The following DNAH3 variants were observed in gnomAD, a reference collection of about 807,000 sequenced individuals.
DNAH3 encodes dynein axonemal heavy chain 3, also known as axonemal beta dynein heavy chain 3.
In DNAH3, 332 loss-of-function variants were observed where a neutral mutation model predicts 432.5. That is an observed-to-expected ratio of 0.77 (90% confidence interval 0.70 to 0.84). The LOEUF (loss-of-function observed/expected upper bound fraction) is 0.84. DNAH3 is among the 40% of genes least tolerant of loss of function. The probability of loss-of-function intolerance (pLI) is 0.00; values close to 1 mark genes in which losing one functional copy is unlikely to be tolerated. For synonymous variants in DNAH3, 1,956 were observed against 1,900.2 expected, an observed-to-expected ratio of 1.03 and a Z score of -0.76; for missense variants, 4,861 against 5,114.0, an observed-to-expected ratio of 0.95 and a Z score of 1.51.
chr16:21,053,612 C>T (rs1311722435), intron 28 of DNAH3, among the ~76,000 whole-genome samples: 1 of 152,156 alleles, frequency 6.6e-6, no homozygotes, highest in Non-Finnish European at 1.5e-5. Flanking sequence ...ATTTTCCCTT[C>T]TCCCTCCCTG....
intron 40 of DNAH3, among the ~76,000 whole-genome samples, chr16:21,020,322 T>C (rs1169722678): frequency 7.8e-6 from 1 of 128,116 alleles, no homozygotes; most frequent in Non-Finnish European, 1.6e-5. Flanking sequence ...TTTTTATTTT[T>C]ACTGCTGTAT....
At chr16:21,012,730 T>C (rs904630122) in intron 41 of DNAH3, among the ~76,000 whole-genome samples, 1 of 152,168 alleles carries the variant, frequency 6.6e-6, no homozygotes, top group Non-Finnish European at 1.5e-5. Context: ...TTCACCAAGA[T>C]AGAATGCATC....
chr16:20,962,869 G>A (rs982529574), intron 53 of DNAH3, among the ~76,000 whole-genome samples: 3 of 152,116 alleles, frequency 2.0e-5, no homozygotes, highest in Non-Finnish European at 2.9e-5. Context: ...ATGTTGCCCA[G>A]GCTGGTCTCA....
chr16:21,068,389 A>G (rs2090656149), intron 23 of DNAH3, among the ~76,000 whole-genome samples: 1 of 150,170 alleles, frequency 6.7e-6, no homozygotes, highest in Admixed American at 6.7e-5. Context: ...ATCTGGGCTC[A>G]CTGCAACCTC....
chr16:20,963,647 G>A lies in DNAH3; in HGVS notation c.10237C>T (p.Gln3413Ter), dbSNP rs762555570. ...GCCCATGCCTTCTCAGACAGCCATT[G>A]GGGAGCTGGATTGGGGTAGGGGTTA... Residue 3413 changes from glutamine to a stop codon, truncating the protein, a stop_gained, in exon 53 of 62, where the codon CAA becomes TAA. Transcript: ENST00000261383. LOFTEE classifies it high-confidence loss of function. 3.1e-6 allele frequency: 5 copies of A among 1,614,010 alleles called. No individual in the cohort carries two copies. In the Admixed American group the frequency reaches 5.0e-5, roughly 16 times the overall value.
intron 16 of DNAH3, among the ~76,000 whole-genome samples, chr16:21,103,355 G>GGC (rs2091880377): frequency 1.1e-5 from 1 of 94,008 alleles, no homozygotes; most frequent in South Asian, 4.1e-4. Flanking sequence ...GTGTGTGTGT[G>GGC]GGGGGGGGCA....
chr16:20,947,288 T>C (rs2084091938), intron 57 of DNAH3, among the ~76,000 whole-genome samples: 1 of 152,210 alleles, frequency 6.6e-6, no homozygotes, highest in Non-Finnish European at 1.5e-5. Context: ...AGGGAGGGCA[T>C]GGAAGTTCTC....
At chr16:21,148,442 A>AT (rs66495991) in intron 1 of DNAH3, among the ~76,000 whole-genome samples, 2,377 of 144,694 alleles carry the variant, frequency 0.016, 60 homozygotes, top group African/African-American at 0.056. Flanking sequence ...ATTATTATTT[A>AT]TTTTTTTTTT....
At chr16:21,101,279 A>T (rs2091831165) in intron 16 of DNAH3, among the ~76,000 whole-genome samples, 1 of 152,192 alleles carries the variant, frequency 6.6e-6, no homozygotes, top group Non-Finnish European at 1.5e-5. Flanking sequence ...TTGTATGGGT[A>T]CTCAACATAT....
At chr16:21,068,325 T>TGG (rs10547729) in intron 23 of DNAH3, among the ~76,000 whole-genome samples, 1,143 of 76,538 alleles carry the variant, frequency 0.015, 12 homozygotes, top group African/African-American at 0.049. Context: ...TTTTTTTGGG[T>TGG]GGGGGGGGGG....
intron 29 of DNAH3, among the ~76,000 whole-genome samples, chr16:21,050,396 T>C (rs1358882313): frequency 2.6e-5 from 4 of 152,142 alleles, no homozygotes; most frequent in Non-Finnish European, 5.9e-5. Context: ...AGATCACCAG[T>C]GCTAATGGAA....
exon 57 of DNAH3, chr16:20,948,517 T>C: frequency 6.2e-7 from 1 of 1,613,886 alleles, no homozygotes; most frequent in Non-Finnish European, 8.5e-7. Flanking sequence ...GTAGTAAGTG[T>C]CTCCAGGAGC....
intron 44 of DNAH3, among the ~76,000 whole-genome samples, chr16:20,991,176 ATTTC>A (rs1464486173): frequency 6.6e-6 from 1 of 151,984 alleles, no homozygotes; most frequent in Non-Finnish European, 1.5e-5. Flanking sequence ...GCTGTCTTGC[ATTTC>A]TTTATGATTT....
intron 21 of DNAH3, among the ~76,000 whole-genome samples, chr16:21,073,538 A>G (rs1286367922): frequency 6.6e-6 from 1 of 151,618 alleles, no homozygotes; most frequent in Non-Finnish European, 1.5e-5. Context: ...GTCTCAGAAC[A>G]TGATACCCCG....
intron 41 of DNAH3, among the ~76,000 whole-genome samples, chr16:21,005,225 CCTTCCTTCCTTCCCTCCCTCCCTT>C (rs1373273322): frequency 2.0e-5 from 3 of 148,054 alleles, no homozygotes; most frequent in African/African-American, 5.0e-5. Flanking sequence ...TTCTGTATTT[CCTTCCTTCCTTCCCTCCCTCCCTT>C]CTTCCTTCCT....
At chr16:21,073,458 G>A (rs993679002) in intron 21 of DNAH3, among the ~76,000 whole-genome samples, 1 of 152,184 alleles carries the variant, frequency 6.6e-6, no homozygotes, top group African/African-American at 2.4e-5. Flanking sequence ...CTTGCTGGGA[G>A]AGGCTCAGTA....
intron 2 of DNAH3, 90 bp from the exon 4 acceptor site, chr16:21,145,496 C>A: frequency 8.7e-7 from 1 of 1,147,864 alleles, no homozygotes; most frequent in African/African-American, 1.5e-5. Context: ...ACAAGAGTTC[C>A]AAGTGCCTTA....
chr16:20,943,695 T>A (rs1298309308), intron 58 of DNAH3, among the ~76,000 whole-genome samples: 1 of 152,166 alleles, frequency 6.6e-6, no homozygotes, highest in Non-Finnish European at 1.5e-5. Flanking sequence ...TTAACAACTG[T>A]TAACGCTGGG....
At chr16:20,980,892 T>A (rs2085865440) in intron 49 of DNAH3, among the ~76,000 whole-genome samples, 1 of 152,206 alleles carries the variant, frequency 6.6e-6, no homozygotes, top group Admixed American at 6.5e-5. Context: ...GTGGACCACA[T>A]GATATCTGTC....
Sources: allele counts gnomAD v4.1 joint callset (sites outside exome capture counted in the v4.1 genomes callset), GRCh38; gene constraint gnomAD v4.1.1; transcripts MANE v1.5; gene names NCBI Gene and HGNC (gene_info 2026-07-23, HGNC 2026-07-21).